Variants in CDH22 observed in about 807,000 individuals in gnomAD.
The protein encoded by CDH22 is cadherin 22.
Under a neutral mutation model 58.4 loss-of-function variants are expected in CDH22, and 30 were observed. That is an observed-to-expected ratio of 0.51 (90% CI 0.38 to 0.70). The LOEUF (loss-of-function observed/expected upper bound fraction) is 0.70, where lower values mean the gene tolerates loss of function less well. CDH22 is among the 30% of genes least tolerant of loss of function. CDH22 has a pLI of 0.00. For missense variants in CDH22, 1,014 were observed against 1,233.9 expected, an observed-to-expected ratio of 0.82 and a Z score of 2.67; for synonymous variants, 513 against 558.2, an observed-to-expected ratio of 0.92 and a Z score of 1.14.
chr20:46,207,192 C>T (rs543512501), intron 7 of CDH22, among the ~76,000 whole-genome samples: 1 of 152,106 alleles, frequency 6.6e-6, no homozygotes, highest in African/African-American at 2.4e-5. Context: ...GGGAAGGGGC[C>T]GGCAAAGAGA....
Position 46,240,965 on chromosome 20 carries a change from G to A in CDH22, c.548C>T (p.Thr183Ile), listed in dbSNP as rs1287334014. Residue 183 changes from threonine (T) to isoleucine (I), a missense_variant and splice_region_variant, in exon 3 of 12, where the codon ACA (threonine) becomes ATA (isoleucine). By Grantham distance (89) the Thr-to-Ile change is moderately conservative (BLOSUM62 -1). Transcript: ENST00000537909. Reference sequence around the variant, plus strand: ...CACCCCCAGGGCCCACAGCCCACCTGTAGGTGAGAGCTCGGCCACGCTGCC... The same window carrying A: ...CACCCCCAGGGCCCACAGCCCACCTATAGGTGAGAGCTCGGCCACGCTGCC... ...YIGSVAELSPTGTSVMQVMAS... is the reference protein window; with the variant it reads ...YIGSVAELSPIGTSVMQVMAS... 1.2e-6 allele frequency: 2 copies of A among 1,610,650 alleles called. No individual in the cohort carries two copies. Among genetic ancestry groups the A allele is most frequent in the Admixed American group, 1.7e-5 (1 of 59,914 alleles).
At position 46,210,622 on chromosome 20, in the gene CDH22, G is replaced by C; in HGVS notation, c.1033-62C>G. On this transcript the variant is annotated intron_variant, in intron 6 of 11. Coordinates refer to ENST00000537909, the MANE Select transcript of CDH22 (RefSeq NM_021248.3). This position sits in a 1 kb window ranked among gnomAD's most constrained non-coding sequence, Gnocchi z 4.5. ...GTCTGGTGGACACTGAGGCCTTCAC[G>C]AGGGAGGCCAAGGCAGGCGGGGTTG... is the stretch of plus-strand genomic sequence containing the variant. 7.3e-7 allele frequency: 1 copy of C among 1,376,892 alleles called. No homozygotes were observed. Among genetic ancestry groups the C allele is most frequent in the Non-Finnish European group, 9.5e-7 (1 of 1,053,738 alleles). 85.3% of individuals were successfully genotyped at this position (1,376,892 alleles called of 1,614,324 possible).
At chr20:46,249,212 C>T (rs909789909) in intron 2 of CDH22, among the ~76,000 whole-genome samples, 1 of 152,210 alleles carries the variant, frequency 6.6e-6, no homozygotes, top group African/African-American at 2.4e-5. Flanking sequence ...GGTGTGTCTG[C>T]CTCCAAAGCC....
intron 7 of CDH22, among the ~76,000 whole-genome samples, chr20:46,203,151 G>A (rs80019416): frequency 6.6e-6 from 1 of 152,106 alleles, no homozygotes; most frequent in African/African-American, 2.4e-5. Context: ...GGCGGGGGCA[G>A]CGGGGACCCG....
intron 7 of CDH22, among the ~76,000 whole-genome samples, chr20:46,200,925 G>A (rs2145673452): frequency 6.6e-6 from 1 of 152,308 alleles, no homozygotes; most frequent in African/African-American, 2.4e-5. Flanking sequence ...AGGGGGCCTG[G>A]GGACACGGCC....
intron 4 of CDH22, among the ~76,000 whole-genome samples, chr20:46,226,500 C>A (rs2086176417): frequency 6.6e-6 from 1 of 151,950 alleles, no homozygotes; most frequent in Non-Finnish European, 1.5e-5. Context: ...CCAGGCTGGT[C>A]TCAAACTCCT....
chr20:46,292,378 G>A (rs2086607959), intron 1 of CDH22, among the ~76,000 whole-genome samples: 1 of 152,230 alleles, frequency 6.6e-6, no homozygotes, highest in Admixed American at 6.5e-5. Flanking sequence ...GAAAACAGCT[G>A]TGGCTTTGAT....
chr20:46,261,485 C>T (rs541369934), intron 1 of CDH22, among the ~76,000 whole-genome samples: 17 of 152,312 alleles, frequency 1.1e-4, no homozygotes, highest in South Asian at 4.1e-4. Flanking sequence ...CCTGCTCCAG[C>T]GCCAGACTCA....
At chr20:46,280,506 G>A (rs1270455556) in intron 1 of CDH22, among the ~76,000 whole-genome samples, 1 of 152,198 alleles carries the variant, frequency 6.6e-6, no homozygotes. Context: ...AGTCCTCTGA[G>A]CACCTTCTCA....
chr20:46,175,138 C>A, intron 11 of CDH22, 61 bp from the exon 12 acceptor site: 2 of 1,503,808 alleles, frequency 1.3e-6, no homozygotes, highest in Non-Finnish European at 1.8e-6. Context: ...TTAGAAGGAC[C>A]CTCTACCCCA....
chr20:46,308,178 G>C lies in CDH22; in HGVS notation c.-400+77C>G, dbSNP rs1323713911. The C allele has an allele frequency of 6.6e-6, 1 of 150,688 alleles. No individual in the cohort carries two copies. The highest frequency in any genetic ancestry group is 1.5e-5 in the Non-Finnish European group (1 of 67,594). The allele number at this position is 150,688 out of a possible 1,614,324, so 9.3% of individuals were successfully genotyped here. ...CCTGCCCGGCCGCTCCCGCCGGCCA[G>C]GGGGCTCCCTCCCTGCCGGGCAGCC... On this transcript the variant is annotated intron_variant, in intron 1 of 11. Coordinates refer to ENST00000537909, the MANE Select transcript of CDH22 (RefSeq NM_021248.3). The surrounding 1 kb of genome is among the most constrained non-coding windows in gnomAD (Gnocchi z 4.3).
In CDH22 at chr20:46,174,715, C is replaced by T. The variant is rs1488146284; in HGVS notation, c.2278G>A (p.Gly760Arg). The change falls in exon 12 of 12, where the codon GGG (glycine) becomes AGG (arginine). Residue 760 changes from glycine (G) to arginine (R), a missense_variant. By Grantham distance (125) the Gly-to-Arg change is moderately radical. Around this residue, in one of 2 missense-constraint regions of CDH22, gnomAD observed 208 missense variants for 195.2 expected, o/e 1.07. Coordinates refer to ENST00000537909, the MANE Select transcript of CDH22 (RefSeq NM_021248.3). This position sits in a 1 kb window ranked among gnomAD's most constrained non-coding sequence, Gnocchi z 4.4. Reference protein sequence around the residue: ...FISRKVALADGDLSVPPYDAF... With the variant: ...FISRKVALADRDLSVPPYDAF... ...TCGTAGGGCGGCACCGACAGGTCCC[C>T]GTCCGCCAGTGCCACCTTGCGGCTG... 2 of 1,555,904 alleles carry T rather than the reference C, an allele frequency of 1.3e-6. No individual in the cohort carries two copies. The highest frequency in any genetic ancestry group is 2.3e-5 in the East Asian group (1 of 42,866).
chr20:46,244,747 T>C (rs921581260), intron 2 of CDH22, among the ~76,000 whole-genome samples: 2 of 152,128 alleles, frequency 1.3e-5, no homozygotes, highest in African/African-American at 2.4e-5. Flanking sequence ...AAGGAGTGGG[T>C]TACTGGGTGG....
chr20:46,249,624 C>T (rs1056776045), intron 2 of CDH22, among the ~76,000 whole-genome samples: 1 of 152,172 alleles, frequency 6.6e-6, no homozygotes, highest in Non-Finnish European at 1.5e-5. Flanking sequence ...CTCCCGGTTC[C>T]CACACTCATT....
intron 2 of CDH22, among the ~76,000 whole-genome samples, chr20:46,246,806 G>T (rs1700564188): frequency 6.6e-6 from 1 of 152,206 alleles, no homozygotes; most frequent in South Asian, 2.1e-4. Flanking sequence ...AAGGACGGAT[G>T]CTCCGAGCGG....
rs753058321 is a variant in CDH22 at position 46,174,893 on chromosome 20, G to A, written c.2100C>T (p.Gly700=). Residue 700 remains glycine, a synonymous_variant, in exon 12 of 12, where the codon GGC becomes GGT. Transcript: ENST00000537909. This position sits in a 1 kb window ranked among gnomAD's most constrained non-coding sequence, Gnocchi z 4.4. ...SLYDFGELKG[G]DGGGSAGGGA... is the part of the protein sequence containing the mutation. ...CCCCGCCCGCGCTGCCGCCCCCGTC[G>A]CCGCCCTTGAGCTCGCCGAAGTCGT... 4.6e-6 allele frequency: 6 copies of A among 1,316,928 alleles called. No homozygotes were observed. The highest frequency in any genetic ancestry group is 5.9e-6 in the Non-Finnish European group (6 of 1,017,922). 81.6% of individuals were successfully genotyped at this position (1,316,928 alleles called of 1,614,324 possible).
Position 46,174,834 on chromosome 20 carries a change from C to T in CDH22, c.2159G>A (p.Ser720Asn). ...AGGGSGGGAGSPPQAHLPSER... is the reference protein window; with the variant it reads ...AGGGSGGGAGNPPQAHLPSER... The stretch of plus-strand genomic sequence containing the variant: ...GGAGGGCAGGTGGGCCTGCGGGGGG[C>T]TGCCCGCGCCCCCGCCCGAGCCCCC... The change falls in exon 12 of 12, where the codon AGC (serine) becomes AAC (asparagine). Residue 720 changes from serine (S) to asparagine (N), a missense_variant. Transcript: ENST00000537909. This position sits in a 1 kb window ranked among gnomAD's most constrained non-coding sequence, Gnocchi z 4.4. 7.3e-7 allele frequency: 1 copy of T among 1,372,264 alleles called. No individual in the cohort carries two copies. Among genetic ancestry groups the T allele is most frequent in the Non-Finnish European group, 9.4e-7 (1 of 1,067,066 alleles). The allele number at this position is 1,372,264 out of a possible 1,614,324, so 85.0% of individuals were successfully genotyped here.
chr20:46,210,372 C>T lies in CDH22; in HGVS notation c.1221G>A (p.Ala407=), dbSNP rs1463300664. The part of the protein sequence containing the change: ...PSGLLEVQED[A]QVGSLVGVVT... Reference sequence around the variant, plus strand: ...CCACGCCGACCAGGGAGCCCACCTGCGCGTCCTCCTGCACCTCCAGGAGGC... The same window carrying T: ...CCACGCCGACCAGGGAGCCCACCTGTGCGTCCTCCTGCACCTCCAGGAGGC... The change falls in exon 7 of 12, where the codon GCG becomes GCA. Residue 407 remains alanine, a synonymous_variant. Coordinates refer to ENST00000537909, the MANE Select transcript of CDH22 (RefSeq NM_021248.3). The surrounding 1 kb of genome is among the most constrained non-coding windows in gnomAD (Gnocchi z 4.5). The T allele has an allele frequency of 4.7e-6, 7 of 1,480,646 alleles. No homozygotes were observed. Among genetic ancestry groups the T allele is most frequent in the Non-Finnish European group, 5.4e-6 (6 of 1,118,988 alleles). The allele number at this position is 1,480,646 out of a possible 1,614,324, so 91.7% of individuals were successfully genotyped here.
intron 7 of CDH22, among the ~76,000 whole-genome samples, chr20:46,205,168 T>C (rs1456732628): frequency 6.6e-6 from 1 of 152,014 alleles, no homozygotes; most frequent in East Asian, 1.9e-4. Flanking sequence ...AGCCCACACA[T>C]GATGCCTGGA....
Sources: gnomAD v4.1 joint callset for allele counts (sites outside exome capture counted in the v4.1 genomes callset) on GRCh38, gnomAD v4.1.1 for gene constraint, gnomAD v4.1.1 regional missense constraint, Gnocchi (gnomAD v3.1) non-coding constraint, MANE v1.5 for transcripts, NCBI Gene and HGNC (gene_info 2026-07-23, HGNC 2026-07-21) for gene names.